The following PCDHGB7 variants were observed in gnomAD, a reference collection of about 807,000 sequenced individuals.
The protein encoded by PCDHGB7 is protocadherin gamma subfamily B, 7, also known as protocadherin gamma-B7.
Under a neutral mutation model 61.4 loss-of-function variants are expected in PCDHGB7, and 37 were observed. That is an observed-to-expected ratio of 0.60 (90% CI 0.46 to 0.79). The LOEUF is 0.79. PCDHGB7 is among the 30% of genes least tolerant of loss of function. The pLI, the probability that PCDHGB7 is intolerant of heterozygous loss-of-function variation, is 0.00. For synonymous variants in PCDHGB7, 464 were observed against 503.5 expected, an observed-to-expected ratio of 0.92 and a Z score of 1.05; for missense variants, 1,166 against 1,202.5, an observed-to-expected ratio of 0.97 and a Z score of 0.45.
intron 1 of PCDHGB7, among the ~76,000 whole-genome samples, chr5:141,444,029 A>T (rs977610555): frequency 2.6e-5 from 4 of 152,164 alleles, no homozygotes; most frequent in African/African-American, 9.7e-5. Flanking sequence ...AAAGGAATTC[A>T]GTAAATCAGA....
intron 1 of PCDHGB7, among the ~76,000 whole-genome samples, chr5:141,470,268 G>A (rs1349444076): frequency 6.6e-6 from 1 of 152,082 alleles, no homozygotes; most frequent in East Asian, 1.9e-4. Flanking sequence ...GGAGATACAT[G>A]TTTGTTTGAT....
intron 1 of PCDHGB7, among the ~76,000 whole-genome samples, chr5:141,466,519 C>A (rs1406838553): frequency 6.6e-6 from 1 of 151,864 alleles, no homozygotes; most frequent in Non-Finnish European, 1.5e-5. Flanking sequence ...CATTTTTTTT[C>A]CTCCCAAATT....
chr5:141,418,016 G>C lies in PCDHGB7; in HGVS notation c.157G>C (p.Asp53His), dbSNP rs772945671. The C allele has an allele frequency of 6.2e-7, 1 of 1,613,968 alleles. No homozygotes were observed. Among genetic ancestry groups the C allele is most frequent in the Non-Finnish European group, 8.5e-7 (1 of 1,179,810 alleles). Residue 53 changes from aspartate (D) to histidine (H), a missense_variant, in exon 1 of 4, where the codon GAT (aspartate) becomes CAT (histidine). Transcript: ENST00000398594. ...KGSVVGNLAK[D>H]LGLSVLDVSA... ...CTCGGTGGTGGGGAACCTCGCTAAG[G>C]ATCTAGGGCTTAGTGTCCTGGATGT...
rs138463062 is a variant in PCDHGB7 at position 141,485,217 on chromosome 5, C to T, written c.2416-9590C>T. 7,893 of 1,614,092 alleles carry T rather than the reference C, an allele frequency of 4.9e-3. 42 individuals carry two copies. Among genetic ancestry groups the T allele is most frequent in the Admixed American group, 8.8e-3 (531 of 60,030 alleles). On this transcript the variant is annotated intron_variant, in intron 1 of 3. Coordinates refer to ENST00000398594, the MANE Select transcript of PCDHGB7 (RefSeq NM_018927.4). This position sits in a 1 kb window ranked among gnomAD's most constrained non-coding sequence, Gnocchi z 5.7. Reference sequence around the variant, plus strand: ...AGCTGGACAGAAATCTGGCGGTGGGCTACCCTTTTGTTCCTCTTTTACCAC... The same window carrying T: ...AGCTGGACAGAAATCTGGCGGTGGGTTACCCTTTTGTTCCTCTTTTACCAC...
At position 141,490,745 on chromosome 5, in the gene PCDHGB7, C is replaced by A. The variant is rs769031787; in HGVS notation, c.2416-4062C>A. 1 of 1,614,238 alleles carries A rather than the reference C, an allele frequency of 6.2e-7. No homozygotes were observed. Among genetic ancestry groups the A allele is most frequent in the Non-Finnish European group, 8.5e-7 (1 of 1,180,042 alleles). ...GTAGGAAATCAGGTTCAGGGAGCCCCAGCCTCCTCCTTTGTGTATGTCAAC... is the reference window on the plus strand; with the variant it reads ...GTAGGAAATCAGGTTCAGGGAGCCCAAGCCTCCTCCTTTGTGTATGTCAAC... On this transcript the variant is annotated intron_variant, in intron 1 of 3. Transcript: ENST00000398594. The surrounding 1 kb of genome is among the most constrained non-coding windows in gnomAD (Gnocchi z 5.4).
At chr5:141,502,024 C>G (rs2099812413) in intron 2 of PCDHGB7, among the ~76,000 whole-genome samples, 1 of 152,152 alleles carries the variant, frequency 6.6e-6, no homozygotes, top group African/African-American at 2.4e-5. Context: ...TCCCTGCAAC[C>G]CCCGCCGCTT....
At position 141,491,101 on chromosome 5, in the gene PCDHGB7, G is replaced by A. The variant is rs1270788252; in HGVS notation, c.2416-3706G>A. Reference sequence around the variant, plus strand: ...GTCCACAGCCCCAGGACTGTTCCTCGTGTCTACACACACTGGTGAGGTGCG... The same window carrying A: ...GTCCACAGCCCCAGGACTGTTCCTCATGTCTACACACACTGGTGAGGTGCG... On this transcript the variant is annotated intron_variant, in intron 1 of 3. Transcript: ENST00000398594. This position sits in a 1 kb window ranked among gnomAD's most constrained non-coding sequence, Gnocchi z 6.9. The A allele has an allele frequency of 8.1e-6, 13 of 1,614,102 alleles. No individual in the cohort carries two copies. In the East Asian group the frequency reaches 1.6e-4, roughly 19 times the overall value.
At chr5:141,474,524 C>G (rs1260642402) in intron 1 of PCDHGB7, among the ~76,000 whole-genome samples, 1 of 152,170 alleles carries the variant, frequency 6.6e-6, no homozygotes, top group Non-Finnish European at 1.5e-5. Flanking sequence ...GCTGGTCTGG[C>G]TAATTATCAA....
chr5:141,422,535 A>T lies in PCDHGB7; in HGVS notation c.2415+2261A>T, dbSNP rs760963618. On this transcript the variant is annotated intron_variant, in intron 1 of 3. Transcript: ENST00000398594. ...AGGGAAGCCCGCCTTTGTCTGCAGA[A>T]ACTCATGTCTGGCTGAATGTGGCAG... 20 of 1,613,826 alleles carry T rather than the reference A, an allele frequency of 1.2e-5. 1 individual carries two copies. Among genetic ancestry groups the T allele is most frequent in the Non-Finnish European group, 8.5e-7 (1 of 1,179,882 alleles).
At chr5:141,438,635 T>TATAC (rs1460604450) in intron 1 of PCDHGB7, among the ~76,000 whole-genome samples, 1 of 33,416 alleles carries the variant, frequency 3.0e-5, no homozygotes, top group Admixed American at 4.2e-4. Context: ...TATATATATA[T>TATAC]ACACACACAC....
intron 1 of PCDHGB7, among the ~76,000 whole-genome samples, chr5:141,433,449 T>C (rs2097611087): frequency 6.6e-6 from 1 of 152,068 alleles, no homozygotes; most frequent in Non-Finnish European, 1.5e-5. Context: ...TTGAGCAGGC[T>C]GATCTGAAAC....
rs569220332 is a variant in PCDHGB7, at chr5:141,475,688, A to G, written c.2416-19119A>G. 2.0e-5 allele frequency among the ~76,000 whole-genome samples: 3 copies of G among 152,330 alleles called. No homozygotes were observed. In the South Asian group the frequency reaches 6.2e-4, roughly 32 times the overall value. On this transcript the variant is annotated intron_variant, in intron 1 of 3. Coordinates refer to ENST00000398594, the MANE Select transcript of PCDHGB7 (RefSeq NM_018927.4). ...TTTAATGAGTCTTGATTTGGATTGG[A>G]GACTTGCAGAACGGCTAGCCTCACA...
In PCDHGB7 at chr5:141,423,130, G is replaced by A. The variant is rs770258338; in HGVS notation, c.2415+2856G>A. On this transcript the variant is annotated intron_variant, in intron 1 of 3. Coordinates refer to ENST00000398594, the MANE Select transcript of PCDHGB7 (RefSeq NM_018927.4). The stretch of plus-strand genomic sequence containing the variant: ...GGTGCGTACAGCGCGGGCACTGCTG[G>A]ACAGAGACGCGCTCAAGCAGAGCCT... The A allele has an allele frequency of 9.3e-6, 15 of 1,613,582 alleles. No individual in the cohort carries two copies. Among genetic ancestry groups the A allele is most frequent in the Middle Eastern group, 1.6e-4 (1 of 6,072 alleles).
intron 3 of PCDHGB7, 79 bp downstream of exon 3, chr5:141,505,560 G>A: frequency 6.2e-7 from 1 of 1,604,768 alleles, no homozygotes; most frequent in South Asian, 1.1e-5. Context: ...CATGCCCACG[G>A]ACTGGATGTC....
intron 1 of PCDHGB7, among the ~76,000 whole-genome samples, chr5:141,467,421 G>T (rs957302311): frequency 6.6e-6 from 1 of 152,100 alleles, no homozygotes; most frequent in African/African-American, 2.4e-5. Flanking sequence ...CCACACCTAG[G>T]TTATAGAAAC....
rs115262984 is a variant in PCDHGB7 at position 141,463,089 on chromosome 5, C to T, written c.2416-31718C>T. ...AATGAAATTCAAACATTTTCCAGCC[C>T]TATGTGACCATCAAGAATTCAGCTA... On this transcript the variant is annotated intron_variant, in intron 1 of 3. Coordinates refer to ENST00000398594, the MANE Select transcript of PCDHGB7 (RefSeq NM_018927.4). Among the ~76,000 whole-genome samples the T allele has an allele frequency of 2.5e-3, 374 of 152,264 alleles. 2 individuals are homozygous for T. Among genetic ancestry groups the T allele is most frequent in the African/African-American group, 8.7e-3 (360 of 41,552 alleles).
rs775132338 is a variant in PCDHGB7 at position 141,490,858 on chromosome 5, G to A, written c.2416-3949G>A. On this transcript the variant is annotated intron_variant, in intron 1 of 3. Coordinates refer to ENST00000398594, the MANE Select transcript of PCDHGB7 (RefSeq NM_018927.4). This position sits in a 1 kb window ranked among gnomAD's most constrained non-coding sequence, Gnocchi z 5.4. Reference sequence around the variant, plus strand: ...GATTGTGGTGGGGGTTCGAGACTCCGGCTCTCCCCCATTGCATGCCAACAC... The same window carrying A: ...GATTGTGGTGGGGGTTCGAGACTCCAGCTCTCCCCCATTGCATGCCAACAC... 14 of 1,613,704 alleles carry A rather than the reference G, an allele frequency of 8.7e-6. No homozygotes were observed. Among genetic ancestry groups the A allele is most frequent in the South Asian group, 2.2e-5 (2 of 91,068 alleles).
chr5:141,476,950 A>T lies in PCDHGB7; in HGVS notation c.2416-17857A>T, dbSNP rs1224572890. 2 of 1,614,158 alleles carry T rather than the reference A, an allele frequency of 1.2e-6. No homozygotes were observed. The highest frequency in any genetic ancestry group is 4.5e-5 in the East Asian group (2 of 44,878). ...ATCTGGATGAAGGCCCCAACGGTGA[A>T]ATTATTTACTCCTTCGGCAGCCACA... On this transcript the variant is annotated intron_variant, in intron 1 of 3. Transcript: ENST00000398594. The surrounding 1 kb of genome is among the most constrained non-coding windows in gnomAD (Gnocchi z 7.6).
chr5:141,427,829 G>C, intron 1 of PCDHGB7: 1 of 1,538,520 alleles, frequency 6.5e-7, no homozygotes. Flanking sequence ...TGGTCGCGCA[G>C]CGTGCCTTCG....
Sources: gnomAD v4.1 joint callset for allele counts (sites outside exome capture counted in the v4.1 genomes callset) on GRCh38, gnomAD v4.1.1 for gene constraint, Gnocchi (gnomAD v3.1) non-coding constraint, MANE v1.5 for transcripts, NCBI Gene and HGNC (gene_info 2026-07-23, HGNC 2026-07-21) for gene names.